The following PCYT1B variants were observed in gnomAD, a reference collection of about 807,000 sequenced individuals.
The protein encoded by PCYT1B is choline-phosphate cytidylyltransferase B.
A neutral mutation model predicts 26.4 loss-of-function variants in PCYT1B; 10 were observed. The observed-to-expected ratio is 0.38, with a 90% CI of 0.23 to 0.64. The LOEUF is 0.64. PCYT1B is among the 30% of genes least tolerant of loss of function. PCYT1B has a pLI of 0.56. For missense variants in PCYT1B, 161 were observed against 292.7 expected, an observed-to-expected ratio of 0.55 and a Z score of 3.28; for synonymous variants, 131 against 108.4, an observed-to-expected ratio of 1.21 and a Z score of -1.29.
intron 1 of PCYT1B, among the ~76,000 whole-genome samples, chrX:24,644,382 A>G (rs1926555344): frequency 9.1e-6 from 1 of 110,165 alleles, no homozygotes; most frequent in Non-Finnish European, 1.9e-5. Flanking sequence ...TATCATAAGT[A>G]AATCAAAGCA....
intron 2 of PCYT1B, among the ~76,000 whole-genome samples, chrX:24,611,863 C>T (rs1430752869): frequency 3.6e-5 from 4 of 110,573 alleles, no homozygotes; most frequent in African/African-American, 9.9e-5. Context: ...ATCCCAGCTA[C>T]TTGGGAGGCT....
chrX:24,564,339 TTTTTG>T lies in PCYT1B; in HGVS notation c.898-1839_898-1835del, dbSNP rs201046739. ...CTTTTTAGTGTACAGTTCTGTTAAG[TTTTTG>T]TTTTGTTTTGTTTTTTTGTTTTTTT... On this transcript the variant is annotated intron_variant, in intron 7 of 7. Transcript: ENST00000379144. Among the ~76,000 whole-genome samples the T allele has an allele frequency of 6.1e-3, 645 of 105,196 alleles. 6 individuals carry two copies. Among genetic ancestry groups the T allele is most frequent in the African/African-American group, 0.021 (627 of 29,441 alleles). The allele number at this position is 105,196 out of a possible 115,157, so 91.4% of individuals were successfully genotyped here. A position where few individuals can be genotyped will look rare whatever the true frequency, so the allele number is the denominator to read the frequency against.
rs1278837958 is a variant in PCYT1B at position 24,559,073 on chromosome X, T to C, written c.*3220A>G. On this transcript the variant is annotated 3_prime_UTR_variant, in exon 8 of 8. Coordinates refer to ENST00000379144, the MANE Select transcript of PCYT1B (RefSeq NM_004845.5). ...GGCTCGTGCTCATAATCCCAGCACT[T>C]TGGGAGGCCGAGGCGGGAGAATCAC... 1 of 111,203 alleles carries C rather than the reference T, an allele frequency of 9.0e-6. No homozygotes were observed. Among genetic ancestry groups the C allele is most frequent in the African/African-American group, 3.3e-5 (1 of 30,534 alleles). 9.2% of individuals were successfully genotyped at this position (111,203 alleles called of 1,213,427 possible). A position where few individuals can be genotyped will look rare whatever the true frequency, so the allele number is the denominator to read the frequency against.
intron 2 of PCYT1B, among the ~76,000 whole-genome samples, chrX:24,611,283 A>G (rs1006329499): frequency 3.6e-5 from 4 of 111,024 alleles, no homozygotes; most frequent in African/African-American, 1.3e-4. Context: ...TAAAGCTTTA[A>G]AAAAAAACAG....
chrX:24,602,476 A>T (rs908204490), intron 3 of PCYT1B, among the ~76,000 whole-genome samples: 1 of 111,607 alleles, frequency 9.0e-6, no homozygotes, highest in Non-Finnish European at 1.9e-5. Flanking sequence ...ATCCAAACCC[A>T]TAGAAGGTAT....
In PCYT1B at chrX:24,623,364, CATATATAT is replaced by C. The variant is rs57642734; in HGVS notation, c.118-4288_118-4281del. Among the ~76,000 whole-genome samples, 181 of 79,666 alleles carry C rather than the reference CATATATAT, an allele frequency of 2.3e-3. 4 individuals carry two copies. The highest frequency in any genetic ancestry group is 7.8e-3 in the African/African-American group (166 of 21,159). 69.2% of individuals were successfully genotyped at this position (79,666 alleles called of 115,157 possible). A position where few individuals can be genotyped will look rare whatever the true frequency, so the allele number is the denominator to read the frequency against. Reference sequence around the variant, plus strand: ...GGGTTTGGTTGGCACATGAGATTTACATATATATATATATATATATATATATATATATA... The same window carrying C: ...GGGTTTGGTTGGCACATGAGATTTACATATATATATATATATATATATATA... On this transcript the variant is annotated intron_variant, in intron 1 of 7. Transcript: ENST00000379144.
Position 24,572,806 on chromosome X carries a change from T to A in PCYT1B, c.897+2324A>T, listed in dbSNP as rs1468196444. On this transcript the variant is annotated intron_variant, in intron 7 of 7. Transcript: ENST00000379144. ...TCCAGTCTCTAAACTGGGTTTCATT[T>A]CTTAAAAATCACCTTGGCTTGCTGT... Among the ~76,000 whole-genome samples the A allele has an allele frequency of 2.8e-5, 3 of 109,017 alleles. No homozygotes were observed. In the East Asian group the frequency reaches 8.5e-4, roughly 31 times the overall value. 94.7% of individuals were successfully genotyped at this position (109,017 alleles called of 115,157 possible). A position where few individuals can be genotyped will look rare whatever the true frequency, so the allele number is the denominator to read the frequency against.
At chrX:24,607,929 C>T (rs746893345) in intron 2 of PCYT1B, 68 bp from the exon 3 acceptor site, 360 of 554,140 alleles carry the variant, frequency 6.5e-4, no homozygotes, top group Non-Finnish European at 1.0e-3. Flanking sequence ...TTCTATCAGT[C>T]GTAAGAAACT....
rs1925206923 is a variant in PCYT1B at position 24,608,459 on chromosome X, C to T, written c.218-598G>A. On this transcript the variant is annotated intron_variant, in intron 2 of 7. Transcript: ENST00000379144. Reference sequence around the variant, plus strand: ...AGCTGTTAAACCTTTACTAGCATACCACTGCAAGGCCACTCCCTAACCTCT... The same window carrying T: ...AGCTGTTAAACCTTTACTAGCATACTACTGCAAGGCCACTCCCTAACCTCT... Among the ~76,000 whole-genome samples the T allele has an allele frequency of 2.7e-5, 3 of 111,746 alleles. No individual in the cohort carries two copies. The South Asian group carries it at 1.1e-3, about 42-fold the overall frequency.
intron 7 of PCYT1B, among the ~76,000 whole-genome samples, chrX:24,573,855 T>A (rs1444002977): frequency 9.0e-6 from 1 of 110,935 alleles, no homozygotes; most frequent in Non-Finnish European, 1.9e-5. Flanking sequence ...TCTTGCCAGC[T>A]CTTTCTAGGA....
chrX:24,646,453 A>G (rs61760929), intron 1 of PCYT1B, among the ~76,000 whole-genome samples: 1,542 of 111,817 alleles, frequency 0.014, 8 homozygotes, highest in Non-Finnish European at 0.022. Context: ...TATTATTTCT[A>G]ACTAAATCAT....
intron 2 of PCYT1B, among the ~76,000 whole-genome samples, chrX:24,613,195 T>C (rs764995159): frequency 8.9e-6 from 1 of 112,345 alleles, no homozygotes; most frequent in East Asian, 2.8e-4. Context: ...ATATGAATTC[T>C]TGTCTTTAAA....
chrX:24,618,532 C>G (rs1925591574), intron 2 of PCYT1B, among the ~76,000 whole-genome samples: 1 of 111,131 alleles, frequency 9.0e-6, no homozygotes, highest in Admixed American at 9.7e-5. Flanking sequence ...AGTGTTTACC[C>G]TTCTTTACCC....
upstream of PCYT1B, among the ~76,000 whole-genome samples, chrX:24,649,573 CCTAATT>C (rs1161563386): frequency 1.8e-5 from 2 of 112,071 alleles, no homozygotes; most frequent in African/African-American, 6.5e-5. Context: ...TAATTGGTCA[CCTAATT>C]CTCTCTCCAG....
At chrX:24,669,622 G>A (rs747160935) in intron 1 of PCYT1B, among the ~76,000 whole-genome samples, 5 of 109,873 alleles carry the variant, frequency 4.6e-5, no homozygotes, top group Non-Finnish European at 9.5e-5. Context: ...GTGGTTAGCG[G>A]CTACCTTATT....
intron 1 of PCYT1B, among the ~76,000 whole-genome samples, chrX:24,633,920 T>A (rs1306915709): frequency 1.8e-5 from 2 of 110,663 alleles, no homozygotes; most frequent in African/African-American, 6.6e-5. Context: ...AAGAAAAATA[T>A]CTATTTTTGT....
chrX:24,640,588 G>A (rs1324148343), intron 1 of PCYT1B, among the ~76,000 whole-genome samples: 2 of 111,450 alleles, frequency 1.8e-5, no homozygotes, highest in Admixed American at 1.9e-4. Context: ...ATGGCTCAGG[G>A]TCAGTTACTT....
In PCYT1B at chrX:24,579,450, C is replaced by G; in HGVS notation, c.574G>C (p.Val192Leu). The G allele has an allele frequency of 8.3e-7, 1 of 1,207,785 alleles. No individual in the cohort carries two copies. Among genetic ancestry groups the G allele is most frequent in the Non-Finnish European group, 1.1e-6 (1 of 892,531 alleles). The change falls in exon 6 of 8, where the codon GTT becomes CTT. Residue 192 changes from valine to leucine, a missense_variant. This residue lies in a region of PCYT1B where 65 missense variants were observed against 145.0 expected (regional missense o/e 0.45). Transcript: ENST00000379144. ...ATGCCTTCTGTTCTCTGCGTTGGAA[C>G]GAACATCCCTGTTCAAGTAGAAAAG... The part of the protein sequence containing the change: ...YKHIKEAGMF[V>L]PTQRTEGIST...
chrX:24,590,938 C>T, intron 3 of PCYT1B, among the ~76,000 whole-genome samples: 1 of 109,649 alleles, frequency 9.1e-6, no homozygotes, highest in Middle Eastern at 4.7e-3. Context: ...GGACTACAGG[C>T]TCCTGCCACC....
Sources: allele counts gnomAD v4.1 joint callset (sites outside exome capture counted in the v4.1 genomes callset), GRCh38; gene constraint gnomAD v4.1.1; regional missense constraint gnomAD v4.1.1; transcripts MANE v1.5; gene names NCBI Gene and HGNC (gene_info 2026-07-23, HGNC 2026-07-21).